Variants in MYOT observed in about 807,000 individuals in gnomAD.
The protein encoded by MYOT is 57 kDa cytoskeletal protein.
Under a neutral mutation model 58.0 loss-of-function variants are expected in MYOT, and 36 were observed. That is an observed-to-expected ratio of 0.62 (90% CI 0.48 to 0.82). MYOT has a LOEUF of 0.82. MYOT is among the 40% of genes least tolerant of loss of function. The pLI is 0.00. For missense variants in MYOT, 505 were observed against 592.1 expected (o/e 0.85, Z 1.53); for synonymous variants, 218 against 204.6 (o/e 1.07, Z -0.56).
At chr5:137,880,701 G>C in intron 4 of MYOT, 115 bp from the exon 5 acceptor site, 1 of 833,454 alleles carries the variant, frequency 1.2e-6, no homozygotes, top group South Asian at 1.4e-5. Context: ...GAACTTACCA[G>C]GGCTGTTCAA....
chr5:137,880,998 C>A, intron 5 of MYOT, 133 bp downstream of exon 5: 1 of 692,158 alleles, frequency 1.4e-6, no homozygotes. Flanking sequence ...TTTCTAATGT[C>A]TGAGAAGATG....
intron 5 of MYOT, among the ~76,000 whole-genome samples, chr5:137,881,227 C>A (rs1295677445): frequency 6.6e-6 from 1 of 152,166 alleles, no homozygotes; most frequent in Non-Finnish European, 1.5e-5. Flanking sequence ...AAAAGAGAAA[C>A]TAAGATGTAC....
At chr5:137,873,646 T>C (rs1755119072) in intron 2 of MYOT, among the ~76,000 whole-genome samples, 1 of 152,138 alleles carries the variant, frequency 6.6e-6, no homozygotes, top group African/African-American at 2.4e-5. Context: ...GAATTCAATC[T>C]TTAAAAAAAA....
chr5:137,878,034 A>G (rs1477253166), intron 4 of MYOT, among the ~76,000 whole-genome samples: 1 of 152,194 alleles, frequency 6.6e-6, no homozygotes. Context: ...ATGTTTTAAA[A>G]TATACTTGTG....
Position 137,887,218 on chromosome 5 carries a change from C to T in MYOT, c.1330C>T (p.Pro444Ser). ...TTTTATGTGATCTATTTCAGCACGT[C>T]CAAACCAAACTCTTCCAGCTCCTAA... ...CNTRLDVTAR[P>S]NQTLPAPKQL... Residue 444 changes from proline to serine, a missense_variant, in exon 10 of 10, where the codon CCA becomes TCA. By Grantham distance (74) the Pro-to-Ser change is moderately conservative. Transcript: ENST00000239926. 1 of 1,614,002 alleles carries T rather than the reference C, an allele frequency of 6.2e-7. No homozygotes were observed. The highest frequency in any genetic ancestry group is 8.5e-7 in the Non-Finnish European group (1 of 1,179,974).
intron 4 of MYOT, 114 bp from the exon 5 acceptor site, chr5:137,880,702 G>T: frequency 1.2e-6 from 1 of 841,190 alleles, no homozygotes; most frequent in Non-Finnish European, 2.0e-6. Flanking sequence ...AACTTACCAG[G>T]GCTGTTCAAA....
At chr5:137,871,830 T>A (rs3777121) in intron 2 of MYOT, among the ~76,000 whole-genome samples, 36,896 of 151,916 alleles carry the variant, frequency 0.24, 5,477 homozygotes, top group African/African-American at 0.42. Context: ...TGCAAACTAT[T>A]GGCTATCAGC....
intron 4 of MYOT, chr5:137,880,613 C>A: frequency 1.9e-6 from 1 of 514,652 alleles, no homozygotes; most frequent in Non-Finnish European, 3.5e-6. Flanking sequence ...TTGAATAGTC[C>A]CATTAATTCT....
At chr5:137,879,634 C>T (rs1255923378) in intron 4 of MYOT, among the ~76,000 whole-genome samples, 1 of 148,134 alleles carries the variant, frequency 6.8e-6, no homozygotes, top group Non-Finnish European at 1.5e-5. Context: ...ATGCCGTTCT[C>T]CTGCCTCAGC....
rs1755629060 is a variant in MYOT, at chr5:137,887,203, T to C, written c.1325-10T>C. On this transcript the variant is annotated splice_polypyrimidine_tract_variant and intron_variant, in intron 9 of 9. Coordinates refer to ENST00000239926, the MANE Select transcript of MYOT (RefSeq NM_006790.3). ...GTTTTCTGAATCAACTTTTATGTGATCTATTTCAGCACGTCCAAACCAAAC... is the reference window on the plus strand; with the variant it reads ...GTTTTCTGAATCAACTTTTATGTGACCTATTTCAGCACGTCCAAACCAAAC... 4 of 1,614,068 alleles carry C rather than the reference T, an allele frequency of 2.5e-6. No homozygotes were observed. Among genetic ancestry groups the C allele is most frequent in the Non-Finnish European group, 3.4e-6 (4 of 1,179,956 alleles).
intron 1 of MYOT, among the ~76,000 whole-genome samples, chr5:137,869,675 A>G (rs940178555): frequency 8.5e-5 from 13 of 152,178 alleles, no homozygotes; most frequent in Non-Finnish European, 1.9e-4. Context: ...AAAAAAAAGA[A>G]AAAAAAGACC....
chr5:137,877,718 C>T (rs1008117242), intron 4 of MYOT, 97 bp downstream of exon 4: 5 of 882,118 alleles, frequency 5.7e-6, no homozygotes, highest in South Asian at 2.7e-5. Context: ...AAATAAAAGT[C>T]GGTCAGTTCC....
At chr5:137,879,736 C>T (rs1192857968) in intron 4 of MYOT, among the ~76,000 whole-genome samples, 1 of 144,646 alleles carries the variant, frequency 6.9e-6, no homozygotes, top group East Asian at 2.0e-4. Flanking sequence ...CAGGATTTCA[C>T]CTTGTTACCC....
chr5:137,886,813 C>A (rs1470600954), intron 8 of MYOT, 51 bp from the exon 9 acceptor site: 2 of 1,342,672 alleles, frequency 1.5e-6, no homozygotes, highest in South Asian at 2.4e-5. Flanking sequence ...GAGACATCCA[C>A]TTCACAGAAA....
chr5:137,870,690 C>A lies in MYOT; in HGVS notation c.39C>A (p.Ser13=). ...NYERPKHFIQ[S]QNPCGSRLQP... ...AACGTCCAAAACACTTCATCCAGTC[C>A]CAAAACCCATGTGGCTCCAGATTGC... The change falls in exon 2 of 10, where the codon TCC becomes TCA. Residue 13 remains serine (S), a synonymous_variant. Coordinates refer to ENST00000239926, the MANE Select transcript of MYOT (RefSeq NM_006790.3). 6.2e-7 allele frequency: 1 copy of A among 1,614,174 alleles called. No individual in the cohort carries two copies. The highest frequency in any genetic ancestry group is 8.5e-7 in the Non-Finnish European group (1 of 1,180,030).
chr5:137,882,069 G>C lies in MYOT; in HGVS notation c.780G>C (p.Ser260=). Residue 260 remains serine (S), a synonymous_variant, in exon 6 of 10, where the codon TCG becomes TCC. Coordinates refer to ENST00000239926, the MANE Select transcript of MYOT (RefSeq NM_006790.3). Reference sequence around the variant, plus strand: ...TCATTCAAGTGCCAGAGAACATGTCGATTGATGAAGGAAGATTCTGCAGAA... The same window carrying C: ...TCATTCAAGTGCCAGAGAACATGTCCATTGATGAAGGAAGATTCTGCAGAA... ...PRFIQVPENM[S]IDEGRFCRMD... 1 of 1,614,142 alleles carries C rather than the reference G, an allele frequency of 6.2e-7. No homozygotes were observed. Among genetic ancestry groups the C allele is most frequent in the Non-Finnish European group, 8.5e-7 (1 of 1,180,028 alleles).
At chr5:137,869,369 G>A (rs1561656648) in intron 1 of MYOT, among the ~76,000 whole-genome samples, 1 of 152,118 alleles carries the variant, frequency 6.6e-6, no homozygotes, top group South Asian at 2.1e-4. Flanking sequence ...TCTATATATA[G>A]TCCCGCTTAG....
rs949676689 is a variant in MYOT at position 137,873,796 on chromosome 5, T to C, written c.357-2033T>C. 5.3e-5 allele frequency among the ~76,000 whole-genome samples: 8 copies of C among 152,320 alleles called. No homozygotes were observed. The East Asian group carries it at 1.5e-3, about 29-fold the overall frequency. ...TGTATCATTAGCTTTCAATAGAGTGTCCTGAATACTATGAAAATCACTCAT... is the reference window on the plus strand; with the variant it reads ...TGTATCATTAGCTTTCAATAGAGTGCCCTGAATACTATGAAAATCACTCAT... On this transcript the variant is annotated intron_variant, in intron 2 of 9. Coordinates refer to ENST00000239926, the MANE Select transcript of MYOT (RefSeq NM_006790.3).
At chr5:137,882,636 C>T (rs1011537404) in intron 6 of MYOT, among the ~76,000 whole-genome samples, 7 of 152,000 alleles carry the variant, frequency 4.6e-5, no homozygotes, top group Non-Finnish European at 4.4e-5. Flanking sequence ...GGGTTCAAGG[C>T]GATCCACTCA....
Sources: gnomAD v4.1 joint callset for allele counts (sites outside exome capture counted in the v4.1 genomes callset) on GRCh38, gnomAD v4.1.1 for gene constraint, MANE v1.5 for transcripts, NCBI Gene and HGNC (gene_info 2026-07-23, HGNC 2026-07-21) for gene names.